Variants in EXOC7 observed in about 807,000 individuals in gnomAD.
The protein encoded by EXOC7 is exocyst complex component 7.
In EXOC7, 51 loss-of-function variants were observed where a neutral mutation model predicts 87.6. The observed-to-expected ratio is 0.58, with a 90% CI of 0.46 to 0.73. The LOEUF is 0.73. Among genes scored for constraint, EXOC7 ranks in the 30% least tolerant of loss-of-function variants. The probability of loss-of-function intolerance (pLI) is 0.00; values close to 1 mark genes in which losing one functional copy is unlikely to be tolerated. For synonymous variants in EXOC7, 327 were observed against 357.1 expected (o/e 0.92, Z 0.95); for missense variants, 744 against 888.4 (o/e 0.84, Z 2.07).
At chr17:76,090,192 G>T in intron 7 of EXOC7, 1 of 972,334 alleles carries the variant, frequency 1.0e-6, no homozygotes, top group Non-Finnish European at 1.5e-6. Flanking sequence ...AAGAGAGAGA[G>T]TGGAGAGAGA....
In EXOC7 at chr17:76,081,812, C is replaced by T. The variant is rs1480991157; in HGVS notation, c.*1836G>A. The T allele has an allele frequency of 3.1e-6, 5 of 1,611,696 alleles. No homozygotes were observed. Among genetic ancestry groups the T allele is most frequent in the Non-Finnish European group, 4.2e-6 (5 of 1,178,412 alleles). On this transcript the variant is annotated 3_prime_UTR_variant, in exon 19 of 19. Transcript: ENST00000589210. ...GTTTCTCCCCGGTCACCCACTGGTG[C>T]TCAGCTCGCTGGGCACCAGAGACAC...
Position 76,082,873 on chromosome 17 carries a change from C to A in EXOC7, c.*775G>T, listed in dbSNP as rs1346727160. On this transcript the variant is annotated 3_prime_UTR_variant, in exon 19 of 19. Transcript: ENST00000589210. ...TGGGGCCCTATTTTTTGCTTCCAACCCCCATTTTGCTCCTTAACTTTTCCC... is the reference window on the plus strand; with the variant it reads ...TGGGGCCCTATTTTTTGCTTCCAACACCCATTTTGCTCCTTAACTTTTCCC... The A allele has an allele frequency of 4.9e-6, 2 of 406,992 alleles. No individual in the cohort carries two copies. Among genetic ancestry groups the A allele is most frequent in the Non-Finnish European group, 8.5e-6 (2 of 234,278 alleles). The allele number at this position is 406,992 out of a possible 1,614,324, so 25.2% of individuals were successfully genotyped here.
chr17:76,100,403 G>C (rs2068000397), intron 4 of EXOC7, among the ~76,000 whole-genome samples: 1 of 151,768 alleles, frequency 6.6e-6, no homozygotes, highest in Non-Finnish European at 1.5e-5. Flanking sequence ...GAGGCGGGCG[G>C]ATCACCTGAG....
Position 76,085,319 on chromosome 17 carries a change from C to T in EXOC7, c.1707G>A (p.Gln569=), listed in dbSNP as rs202208567. Residue 569 remains glutamine, a synonymous_variant, in exon 15 of 19, where the codon CAG becomes CAA. Coordinates refer to ENST00000589210, the MANE Select transcript of EXOC7 (RefSeq NM_001013839.4). Reference sequence around the variant, plus strand: ...GGGCGGGCCCAGCCTCTCACCTGCGCTGGTAGGTCTGGATCTGCTGCTCAA... The same window carrying T: ...GGGCGGGCCCAGCCTCTCACCTGCGTTGGTAGGTCTGGATCTGCTGCTCAA... ...EHIEQQIQTY[Q]RSWLKVTDYI... The T allele has an allele frequency of 5.6e-6, 9 of 1,598,846 alleles. No homozygotes were observed. In the East Asian group the frequency reaches 2.0e-4, roughly 36 times the overall value.
intron 5 of EXOC7, among the ~76,000 whole-genome samples, chr17:76,095,032 C>T (rs2067683584): frequency 1.3e-5 from 2 of 152,012 alleles, no homozygotes; most frequent in African/African-American, 4.8e-5. Context: ...GTGATCTTGG[C>T]TCACCGCAAA....
rs1214600965 is a variant in EXOC7 at position 76,085,446 on chromosome 17, G to C, written c.1617-37C>G. On this transcript the variant is annotated intron_variant, in intron 14 of 18. Coordinates refer to ENST00000589210, the MANE Select transcript of EXOC7 (RefSeq NM_001013839.4). ...TAGGGGACAGAGGAGAGGAGGACAG[G>C]ATTGGCTCCTCAGGCCCAAAGGCTG... 2.5e-6 allele frequency: 4 copies of C among 1,574,550 alleles called. No individual in the cohort carries two copies. The East Asian group carries it at 9.0e-5, about 36-fold the overall frequency.
chr17:76,086,398 G>A (rs1352841366), intron 12 of EXOC7, among the ~76,000 whole-genome samples: 1 of 152,222 alleles, frequency 6.6e-6, no homozygotes, highest in Non-Finnish European at 1.5e-5. Flanking sequence ...GGCAGGAAAA[G>A]AGTGAGATGC....
chr17:76,082,738 A>T lies in EXOC7; in HGVS notation c.*910T>A. 7.6e-7 allele frequency: 1 copy of T among 1,316,250 alleles called. No homozygotes were observed. Among genetic ancestry groups the T allele is most frequent in the Non-Finnish European group, 1.0e-6 (1 of 981,878 alleles). The allele number at this position is 1,316,250 out of a possible 1,614,324, so 81.5% of individuals were successfully genotyped here. Reference sequence around the variant, plus strand: ...GGGCCATGACAGGGCCTCTGGATTAAGCCACCCTGAGCTCTCCCTCCGCTA... The same window carrying T: ...GGGCCATGACAGGGCCTCTGGATTATGCCACCCTGAGCTCTCCCTCCGCTA... On this transcript the variant is annotated 3_prime_UTR_variant, in exon 19 of 19. Coordinates refer to ENST00000589210, the MANE Select transcript of EXOC7 (RefSeq NM_001013839.4).
chr17:76,089,629 C>T (rs1188145420), intron 7 of EXOC7: 4 of 434,780 alleles, frequency 9.2e-6, no homozygotes, highest in East Asian at 8.9e-5. Context: ...AATCAGCGTC[C>T]TGGATAAGGT....
Position 76,085,695 on chromosome 17 carries a change from ATGTAAT to A in EXOC7, c.1592_1597del (p.Asn531_Tyr532del). On this transcript the variant is annotated inframe_deletion, in exon 14 of 19. Transcript: ENST00000589210. ...CACTTACTTCTCCAGGGACTTGAGG[ATGTAAT>A]TGTAGTTGTTGTGCAGGAAGATGGC... The A allele has an allele frequency of 6.2e-7, 1 of 1,614,082 alleles. No individual in the cohort carries two copies. The highest frequency in any genetic ancestry group is 2.2e-5 in the East Asian group (1 of 44,886).
rs1598285668 is a variant in EXOC7, at chr17:76,082,380, C to A, written c.*1268G>T. The A allele has an allele frequency of 1.5e-6, 2 of 1,377,364 alleles. No homozygotes were observed. Among genetic ancestry groups the A allele is most frequent in the African/African-American group, 1.4e-5 (1 of 68,968 alleles). The allele number at this position is 1,377,364 out of a possible 1,614,324, so 85.3% of individuals were successfully genotyped here. ...AATCTAAGAAAGGAAGCGATACAGGCTGATGACCCCTGGGGTTCGCTCTTC... is the reference window on the plus strand; with the variant it reads ...AATCTAAGAAAGGAAGCGATACAGGATGATGACCCCTGGGGTTCGCTCTTC... On this transcript the variant is annotated 3_prime_UTR_variant, in exon 19 of 19. Coordinates refer to ENST00000589210, the MANE Select transcript of EXOC7 (RefSeq NM_001013839.4).
intron 7 of EXOC7, 54 bp downstream of exon 7, chr17:76,091,089 G>A: frequency 1.3e-6 from 2 of 1,509,808 alleles, no homozygotes; most frequent in South Asian, 2.2e-5. Flanking sequence ...CCTGCCAAGT[G>A]CGTGGACACA....
chr17:76,088,572 C>T lies in EXOC7; in HGVS notation c.1201-10G>A, dbSNP rs2067320509. On this transcript the variant is annotated splice_polypyrimidine_tract_variant and intron_variant, in intron 9 of 18. Transcript: ENST00000589210. ...TGCTGGCAGCCGTGCCCTGAGGAAG[C>T]ACAGGGGAGCCCCCAGCTCACCTCC... The T allele has an allele frequency of 6.2e-7, 1 of 1,612,096 alleles. No homozygotes were observed.
At chr17:76,094,358 G>T in intron 6 of EXOC7, 56 bp downstream of exon 6, 1 of 1,563,468 alleles carries the variant, frequency 6.4e-7, no homozygotes. Flanking sequence ...GACTAAAGCA[G>T]TACAGTCCCA....
chr17:76,085,006 C>T (rs748039309), intron 15 of EXOC7: 110 of 472,844 alleles, frequency 2.3e-4, no homozygotes, highest in Non-Finnish European at 1.8e-4. Flanking sequence ...CAAGTGCTCT[C>T]GCGACCTTGC....
chr17:76,103,708 G>A lies in EXOC7; in HGVS notation c.-16C>T, dbSNP rs1020135450. ...GGGGAATCATCGCTCTGAACCCCGCGGCTCCCACTCCCCAGTATCTTTCCT... is the reference window on the plus strand; with the variant it reads ...GGGGAATCATCGCTCTGAACCCCGCAGCTCCCACTCCCCAGTATCTTTCCT... On this transcript the variant is annotated 5_prime_UTR_variant, in exon 1 of 19. Coordinates refer to ENST00000589210, the MANE Select transcript of EXOC7 (RefSeq NM_001013839.4). 1.3e-6 allele frequency: 2 copies of A among 1,599,264 alleles called. No homozygotes were observed. Among genetic ancestry groups the A allele is most frequent in the South Asian group, 2.3e-5 (2 of 88,436 alleles).
At chr17:76,090,341 C>G in intron 7 of EXOC7, 1 of 1,551,442 alleles carries the variant, frequency 6.4e-7, no homozygotes, top group Non-Finnish European at 8.7e-7. Flanking sequence ...GCCAGCGGCC[C>G]GTGCTTGTCG....
chr17:76,098,159 A>T (rs1370692869), intron 4 of EXOC7, 141 bp from the exon 5 acceptor site: 1 of 658,102 alleles, frequency 1.5e-6, no homozygotes, highest in South Asian at 1.9e-5. Context: ...TTTTTTTGAG[A>T]GGGAGTCTCG....
At position 76,083,213 on chromosome 17, in the gene EXOC7, C is replaced by T. The variant is rs2067058460; in HGVS notation, c.*435G>A. The T allele has an allele frequency of 5.7e-6, 1 of 174,436 alleles. No homozygotes were observed. Among genetic ancestry groups the T allele is most frequent in the South Asian group, 1.5e-4 (1 of 6,746 alleles). The allele number at this position is 174,436 out of a possible 1,614,324, so 10.8% of individuals were successfully genotyped here. ...GGGGTCAGTCCCGACTGCCTTTCCT[C>T]CAGGAGCTCTGGCTGCTTCTCTGAG... is the stretch of plus-strand genomic sequence containing the variant. On this transcript the variant is annotated 3_prime_UTR_variant, in exon 19 of 19. Transcript: ENST00000589210.
Sources: gnomAD v4.1 joint callset for allele counts (sites outside exome capture counted in the v4.1 genomes callset) on GRCh38, gnomAD v4.1.1 for gene constraint, MANE v1.5 for transcripts, NCBI Gene and HGNC (gene_info 2026-07-23, HGNC 2026-07-21) for gene names.